The following NRG1 variants were observed in gnomAD, a reference collection of about 807,000 sequenced individuals.
The protein encoded by NRG1 is neuregulin 1, also known as pro-neuregulin-1, membrane-bound isoform.
In NRG1, 18 loss-of-function variants were observed where a neutral mutation model predicts 63.8. The ratio of observed to expected loss-of-function variants is 0.28; its 90% CI spans 0.19 to 0.42. The LOEUF is 0.42. NRG1 is among the 10% of genes least tolerant of loss of function. The pLI, the probability that NRG1 is intolerant of heterozygous loss-of-function variation, is 1.00. For synonymous variants in NRG1, 302 were observed against 301.3 expected (o/e 1.00, Z -0.02); for missense variants, 762 against 814.7 (o/e 0.94, Z 0.79).
intron 1 of NRG1, among the ~76,000 whole-genome samples, chr8:32,118,356 CCCTCTCTCTCTTGCTT>C (rs1196176226): frequency 6.6e-6 from 1 of 151,460 alleles, no homozygotes; most frequent in East Asian, 2.0e-4. Context: ...TTCCTCTTCC[CCCTCTCTCTCTTGCTT>C]CCTCTCTCTC....
At chr8:32,467,425 C>T (rs1184167004) in intron 1 of NRG1, among the ~76,000 whole-genome samples, 3 of 152,240 alleles carry the variant, frequency 2.0e-5, no homozygotes, top group Middle Eastern at 6.8e-3. Context: ...GCCTTTTTAT[C>T]GTAGGCTTGT....
chr8:32,129,163 G>T (rs1039267977), intron 1 of NRG1, among the ~76,000 whole-genome samples: 2 of 151,862 alleles, frequency 1.3e-5, no homozygotes, highest in African/African-American at 4.8e-5. Context: ...ACAATCTCAG[G>T]TTCATAAAAA....
intron 1 of NRG1, among the ~76,000 whole-genome samples, chr8:31,917,743 A>T (rs1833528803): frequency 6.6e-6 from 1 of 152,166 alleles, no homozygotes; most frequent in Admixed American, 6.5e-5. Context: ...TTCTGTGAAG[A>T]AAGTCATTGG....
At chr8:31,713,270 C>T (rs1394441622) in intron 1 of NRG1, among the ~76,000 whole-genome samples, 2 of 151,878 alleles carry the variant, frequency 1.3e-5, no homozygotes, top group African/African-American at 2.4e-5. Context: ...GCGCCCACCA[C>T]CAAGCCCGGC....
intron 5 of NRG1, among the ~76,000 whole-genome samples, chr8:32,712,159 A>T (rs1252205114): frequency 6.6e-6 from 1 of 152,176 alleles, no homozygotes; most frequent in African/African-American, 2.4e-5. Flanking sequence ...CAATTCTAGC[A>T]TGTGAAAGAA....
chr8:32,366,918 G>A (rs940417708), intron 1 of NRG1, among the ~76,000 whole-genome samples: 3 of 151,590 alleles, frequency 2.0e-5, no homozygotes, highest in Admixed American at 1.3e-4. Context: ...TGCCATGTTG[G>A]TCAGGCTGGT....
At chr8:31,712,007 G>A (rs766658915) in intron 1 of NRG1, among the ~76,000 whole-genome samples, 1 of 152,028 alleles carries the variant, frequency 6.6e-6, no homozygotes, top group Admixed American at 6.5e-5. Context: ...GACATAAATA[G>A]CACACTCCAA....
intron 1 of NRG1, among the ~76,000 whole-genome samples, chr8:31,881,348 C>A (rs1383698620): frequency 3.9e-5 from 6 of 152,236 alleles, no homozygotes; most frequent in South Asian, 2.1e-4. Flanking sequence ...GCACAACAAA[C>A]CATGCCCATG....
At chr8:31,929,418 T>C (rs1834682299) in intron 1 of NRG1, among the ~76,000 whole-genome samples, 1 of 151,518 alleles carries the variant, frequency 6.6e-6, no homozygotes, top group South Asian at 2.1e-4. Context: ...TGCTTTAACA[T>C]TTTTTACTTA....
chr8:31,694,965 C>G (rs973443065), intron 1 of NRG1, among the ~76,000 whole-genome samples: 2 of 152,150 alleles, frequency 1.3e-5, no homozygotes, highest in Admixed American at 1.3e-4. Flanking sequence ...TGTTCTTGCA[C>G]TGCTATAAAG....
intron 1 of NRG1, among the ~76,000 whole-genome samples, chr8:32,553,930 T>G (rs1457109046): frequency 6.6e-6 from 1 of 152,206 alleles, no homozygotes; most frequent in Non-Finnish European, 1.5e-5. Flanking sequence ...GTGTGATAGA[T>G]TCTTACCAAA....
intron 1 of NRG1, among the ~76,000 whole-genome samples, chr8:31,735,534 T>G (rs1814575408): frequency 6.6e-6 from 1 of 152,218 alleles, no homozygotes; most frequent in Non-Finnish European, 1.5e-5. Flanking sequence ...TACTTTAGTC[T>G]TTAAGTGGAA....
intron 1 of NRG1, among the ~76,000 whole-genome samples, chr8:31,724,217 G>A (rs982352300): frequency 1.3e-5 from 2 of 152,074 alleles, no homozygotes; most frequent in Non-Finnish European, 1.5e-5. Context: ...GAGAAGACAT[G>A]AAACTCTCTC....
chr8:32,371,998 T>TTTTTTTG (rs1808941305), intron 1 of NRG1, among the ~76,000 whole-genome samples: 1 of 144,990 alleles, frequency 6.9e-6, no homozygotes, highest in Non-Finnish European at 1.5e-5. Flanking sequence ...CTTCATTTTT[T>TTTTTTTG]TTTTTTTTTT....
At chr8:31,718,939 G>A (rs1812631091) in intron 1 of NRG1, among the ~76,000 whole-genome samples, 1 of 152,176 alleles carries the variant, frequency 6.6e-6, no homozygotes, top group African/African-American at 2.4e-5. Context: ...GTGTATGTAT[G>A]TATATGTGTA....
At chr8:32,558,466 A>G (rs951865982) in intron 1 of NRG1, among the ~76,000 whole-genome samples, 2 of 152,124 alleles carry the variant, frequency 1.3e-5, no homozygotes, top group South Asian at 2.1e-4. Flanking sequence ...GGACATAACC[A>G]TCCTGCTGCT....
intron 1 of NRG1, among the ~76,000 whole-genome samples, chr8:32,307,589 T>TGTGTGTG (rs1563296243): frequency 6.5e-4 from 61 of 93,548 alleles, no homozygotes; most frequent in East Asian, 2.6e-3. Context: ...ACCCAGGGGT[T>TGTGTGTG]TGTGTGTGTG....
At chr8:32,430,686 G>A (rs1412788014) in intron 1 of NRG1, among the ~76,000 whole-genome samples, 3 of 151,944 alleles carry the variant, frequency 2.0e-5, no homozygotes, top group Non-Finnish European at 4.4e-5. Context: ...AGCTACAGAA[G>A]TATTGACTAA....
At chr8:32,745,898 T>A (rs1226523601) in intron 7 of NRG1, among the ~76,000 whole-genome samples, 1 of 152,210 alleles carries the variant, frequency 6.6e-6, no homozygotes, top group Non-Finnish European at 1.5e-5. Flanking sequence ...TTAGAACTTT[T>A]AGGAATATTC....
Sources: allele counts gnomAD v4.1 joint callset (sites outside exome capture counted in the v4.1 genomes callset), GRCh38; gene constraint gnomAD v4.1.1; transcripts MANE v1.5; gene names NCBI Gene and HGNC (gene_info 2026-07-23, HGNC 2026-07-21).